STOM: variants seen among roughly 807,000 people sequenced by gnomAD.
STOM encodes the protein erythrocyte band 7 integral membrane protein.
In STOM, 25 loss-of-function variants were observed where a neutral mutation model predicts 30.6. That is an observed-to-expected ratio of 0.82 (90% confidence interval 0.60 to 1.14). The LOEUF (loss-of-function observed/expected upper bound fraction) is 1.14. Among genes scored for constraint, STOM ranks in the 50% most tolerant of loss-of-function variants. The pLI is 0.00. For synonymous variants in STOM, 118 were observed against 130.8 expected, an observed-to-expected ratio of 0.90 and a Z score of 0.67; for missense variants, 292 against 365.2, an observed-to-expected ratio of 0.80 and a Z score of 1.63.
chr9:121,364,811 C>A (rs2064487565), intron 1 of STOM, among the ~76,000 whole-genome samples: 1 of 152,154 alleles, frequency 6.6e-6, no homozygotes, highest in Non-Finnish European at 1.5e-5. Flanking sequence ...TAGCCCTTTA[C>A]CCTTTTAAAA....
chr9:121,342,923 A>G (rs1000964651), intron 6 of STOM, among the ~76,000 whole-genome samples: 2 of 152,218 alleles, frequency 1.3e-5, no homozygotes, highest in Admixed American at 1.3e-4. Flanking sequence ...TCAAATCCCA[A>G]ATCTAACATT....
intron 6 of STOM, among the ~76,000 whole-genome samples, chr9:121,342,787 G>T (rs917749495): frequency 2.0e-5 from 3 of 152,166 alleles, no homozygotes; most frequent in Admixed American, 2.0e-4. Context: ...TTTACATGCC[G>T]ATTTAAAATG....
intron 1 of STOM, among the ~76,000 whole-genome samples, chr9:121,363,372 A>G (rs2064472219): frequency 6.6e-6 from 1 of 152,186 alleles, no homozygotes; most frequent in African/African-American, 2.4e-5. Context: ...CTTCTTAAAA[A>G]CATATGTATT....
chr9:121,345,776 A>G (rs1172534470), intron 6 of STOM, among the ~76,000 whole-genome samples: 1 of 152,176 alleles, frequency 6.6e-6, no homozygotes, highest in Non-Finnish European at 1.5e-5. Flanking sequence ...CAAACTCTTA[A>G]GAATGCTATG....
In STOM at chr9:121,341,095, C is replaced by A. The variant is rs1355141963; in HGVS notation, c.*107G>T. 2.6e-6 allele frequency: 4 copies of A among 1,558,536 alleles called. No homozygotes were observed. The highest frequency in any genetic ancestry group is 2.7e-5 in the African/African-American group (2 of 73,154). ...TTATAACTGCTATACATTCTGGGAA[C>A]ACCACAATTGACATATGGAAAAAGA... On this transcript the variant is annotated 3_prime_UTR_variant, in exon 7 of 7. Coordinates refer to ENST00000286713, the MANE Select transcript of STOM (RefSeq NM_004099.6).
intron 5 of STOM, among the ~76,000 whole-genome samples, chr9:121,348,406 C>T (rs2064308461): frequency 1.3e-5 from 2 of 152,198 alleles, no homozygotes; most frequent in Non-Finnish European, 2.9e-5. Flanking sequence ...TCTGTCTCAA[C>T]TATTTAACCC....
intron 6 of STOM, among the ~76,000 whole-genome samples, chr9:121,346,282 G>C (rs2064289070): frequency 6.6e-6 from 1 of 152,224 alleles, no homozygotes; most frequent in African/African-American, 2.4e-5. Context: ...GAGCCACTGT[G>C]CTTGGCCTCA....
intron 6 of STOM, 96 bp downstream of exon 6, chr9:121,347,919 T>C: frequency 7.0e-7 from 1 of 1,424,636 alleles, no homozygotes; most frequent in South Asian, 1.5e-5. Flanking sequence ...TTCAAGATTA[T>C]TTCAAGTTTT....
At chr9:121,357,667 A>G (rs2064407954) in intron 1 of STOM, among the ~76,000 whole-genome samples, 1 of 151,788 alleles carries the variant, frequency 6.6e-6, no homozygotes, top group African/African-American at 2.4e-5. Flanking sequence ...CGAACTCCTG[A>G]CGTCAAGTGA....
intron 6 of STOM, among the ~76,000 whole-genome samples, chr9:121,345,808 T>C (rs2134023520): frequency 6.6e-6 from 1 of 152,284 alleles, no homozygotes; most frequent in South Asian, 2.1e-4. Context: ...TAGCCCATCC[T>C]GGGAAGTCAG....
intron 1 of STOM, among the ~76,000 whole-genome samples, chr9:121,361,579 G>A (rs1455017453): frequency 1.3e-5 from 2 of 151,696 alleles, no homozygotes; most frequent in African/African-American, 2.4e-5. Flanking sequence ...TAGTAGAGAC[G>A]GAGTTTCACC....
At chr9:121,341,477 G>A (rs552802322) in intron 6 of STOM, 69 bp from the exon 7 acceptor site, 84 of 1,598,286 alleles carry the variant, frequency 5.3e-5, no homozygotes, top group African/African-American at 3.5e-4. Context: ...CTCTTCAACC[G>A]GGGGTATGTA....
chr9:121,348,150 C>A lies in STOM; in HGVS notation c.526-1G>T. 1 of 1,614,132 alleles carries A rather than the reference C, an allele frequency of 6.2e-7. No homozygotes were observed. Among genetic ancestry groups the A allele is most frequent in the Non-Finnish European group, 8.5e-7 (1 of 1,180,002 alleles). On this transcript the variant is annotated splice_acceptor_variant, in intron 5 of 6. Coordinates refer to ENST00000286713, the MANE Select transcript of STOM (RefSeq NM_004099.6). LOFTEE classifies it high-confidence loss of function. Reference sequence around the variant, plus strand: ...CATCAGTGGCATCATCCAGAGTAGACTGTTAGGAAGAGAGAAGGCAAGCTA... The same window carrying A: ...CATCAGTGGCATCATCCAGAGTAGAATGTTAGGAAGAGAGAAGGCAAGCTA...
intron 1 of STOM, among the ~76,000 whole-genome samples, chr9:121,356,955 C>G (rs555751699): frequency 9.2e-5 from 14 of 151,866 alleles, no homozygotes; most frequent in African/African-American, 3.1e-4. Flanking sequence ...TGCACTCCAG[C>G]CTGGGCAACA....
At chr9:121,365,227 A>G (rs1423072151) in intron 1 of STOM, among the ~76,000 whole-genome samples, 1 of 152,146 alleles carries the variant, frequency 6.6e-6, no homozygotes, top group East Asian at 1.9e-4. Context: ...CTCCTGCCCA[A>G]GCAGTTGTCA....
At chr9:121,359,780 T>TA (rs900773630) in intron 1 of STOM, among the ~76,000 whole-genome samples, 1 of 151,998 alleles carries the variant, frequency 6.6e-6, no homozygotes, top group Non-Finnish European at 1.5e-5. Flanking sequence ...CACCCCTCAA[T>TA]AAAAAAAATC....
chr9:121,349,022 C>T, intron 5 of STOM, 98 bp downstream of exon 5: 1 of 1,370,526 alleles, frequency 7.3e-7, no homozygotes, highest in Non-Finnish European at 9.9e-7. Context: ...GGTCACAGAC[C>T]CCCACAACTT....
chr9:121,358,193 A>G (rs1462299086), intron 1 of STOM, among the ~76,000 whole-genome samples: 2 of 152,014 alleles, frequency 1.3e-5, no homozygotes, highest in Non-Finnish European at 2.9e-5. Context: ...ATGGTGGCTC[A>G]CGCCTGTAAT....
At chr9:121,355,907 A>G in intron 2 of STOM, 146 bp downstream of exon 2, 1 of 578,946 alleles carries the variant, frequency 1.7e-6, no homozygotes. Flanking sequence ...GTAGAAGAAT[A>G]AATTTTCCAA....
Sources: allele counts gnomAD v4.1 joint callset (sites outside exome capture counted in the v4.1 genomes callset), GRCh38; gene constraint gnomAD v4.1.1; transcripts MANE v1.5; gene names NCBI Gene and HGNC (gene_info 2026-07-23, HGNC 2026-07-21).